The following PLA2G4A variants were observed in gnomAD, a reference collection of about 807,000 sequenced individuals.
The protein encoded by PLA2G4A is cytosolic phospholipase A2.
Under a neutral mutation model 81.9 loss-of-function variants are expected in PLA2G4A, and 40 were observed. That is an observed-to-expected ratio of 0.49 (90% CI 0.38 to 0.64). PLA2G4A has a LOEUF of 0.64. Ranked by LOEUF, PLA2G4A falls within the 30% of genes least tolerant of loss-of-function variation. The pLI is 0.00. For missense variants in PLA2G4A, 715 were observed against 905.1 expected, an observed-to-expected ratio of 0.79 and a Z score of 2.69; for synonymous variants, 302 against 296.9, an observed-to-expected ratio of 1.02 and a Z score of -0.18.
In PLA2G4A at chr1:186,956,133, T is replaced by C. The variant is rs757677131; in HGVS notation, c.1368T>C (p.Tyr456=). Residue 456 remains tyrosine, a synonymous_variant, in exon 14 of 18, where the codon TAT becomes TAC. Transcript: ENST00000367466. ...AAAATGAAGATGCTGGAAGTGACTA[T>C]CAAAGTGATAATCAAGCAAGTTGGA... ...GTENEDAGSD[Y]QSDNQASWIH... 2 of 1,613,538 alleles carry C rather than the reference T, an allele frequency of 1.2e-6. No individual in the cohort carries two copies. Among genetic ancestry groups the C allele is most frequent in the Middle Eastern group, 1.7e-4 (1 of 6,060 alleles).
At chr1:186,891,738 G>A (rs992101738) in intron 3 of PLA2G4A, among the ~76,000 whole-genome samples, 1 of 152,134 alleles carries the variant, frequency 6.6e-6, no homozygotes, top group Admixed American at 6.6e-5. Flanking sequence ...CTTAGCTATT[G>A]TAAATAGTGC....
rs901396455 is a variant in PLA2G4A at position 186,939,219 on chromosome 1, C to G, written c.907C>G (p.Leu303Val). 6.6e-6 allele frequency: 10 copies of G among 1,515,036 alleles called. No homozygotes were observed. The highest frequency in any genetic ancestry group is 9.2e-6 in the Non-Finnish European group (10 of 1,090,502). 93.8% of individuals were successfully genotyped at this position (1,515,036 alleles called of 1,614,324 possible). ...DIFGMLIGETLIHNRMNTTLS... is the reference protein window; with the variant it reads ...DIFGMLIGETVIHNRMNTTLS... Reference sequence around the variant, plus strand: ...CTTTGGGATGTTAATAGGAGAAACACTAATTCATAATGTAAGTTACAGTTC... The same window carrying G: ...CTTTGGGATGTTAATAGGAGAAACAGTAATTCATAATGTAAGTTACAGTTC... Residue 303 changes from leucine (L) to valine (V), a missense_variant, in exon 9 of 18, where the codon CTA becomes GTA. Coordinates refer to ENST00000367466, the MANE Select transcript of PLA2G4A (RefSeq NM_024420.3).
At position 186,956,143 on chromosome 1, in the gene PLA2G4A, A is replaced by C; in HGVS notation, c.1378A>C (p.Asn460His). The change falls in exon 14 of 18, where the codon AAT becomes CAT. Residue 460 changes from asparagine to histidine, a missense_variant. Physicochemically the swap from Asn to His is moderately conservative, Grantham distance 68. Transcript: ENST00000367466. ...EDAGSDYQSDNQASWIHRMIM... is the reference protein window; with the variant it reads ...EDAGSDYQSDHQASWIHRMIM... ...TGCTGGAAGTGACTATCAAAGTGAT[A>C]ATCAAGCAAGTTGGATTCATCGTAT... 1 of 1,613,482 alleles carries C rather than the reference A, an allele frequency of 6.2e-7. No homozygotes were observed. Among genetic ancestry groups the C allele is most frequent in the Non-Finnish European group, 8.5e-7 (1 of 1,179,404 alleles).
intron 7 of PLA2G4A, among the ~76,000 whole-genome samples, chr1:186,932,359 G>T (rs560634700): frequency 1.3e-5 from 2 of 149,152 alleles, no homozygotes; most frequent in South Asian, 4.2e-4. Context: ...GCAATGGCAC[G>T]ATCTTGGCTC....
intron 10 of PLA2G4A, among the ~76,000 whole-genome samples, chr1:186,941,589 C>T (rs929075612): frequency 6.6e-6 from 1 of 152,130 alleles, no homozygotes; most frequent in Admixed American, 6.6e-5. Context: ...CTGCTTAGAA[C>T]GTAATTAGCA....
chr1:186,913,891 A>G (rs1301743321), intron 7 of PLA2G4A, among the ~76,000 whole-genome samples: 3 of 152,170 alleles, frequency 2.0e-5, no homozygotes, highest in Non-Finnish European at 4.4e-5. Flanking sequence ...AGATTTGCAA[A>G]TATGTTTTAG....
chr1:186,840,939 T>A (rs904791598), intron 1 of PLA2G4A, among the ~76,000 whole-genome samples: 45 of 152,334 alleles, frequency 3.0e-4, no homozygotes, highest in African/African-American at 9.6e-4. Flanking sequence ...AGAGAAAAGA[T>A]GTAGAAGTAA....
chr1:186,953,060 C>G (rs1656620068), intron 13 of PLA2G4A, among the ~76,000 whole-genome samples: 1 of 152,044 alleles, frequency 6.6e-6, no homozygotes, highest in Admixed American at 6.6e-5. Flanking sequence ...ACAGATTTTT[C>G]AGTTTATTTG....
chr1:186,957,207 G>A (rs1304608265), intron 14 of PLA2G4A, among the ~76,000 whole-genome samples: 3 of 152,076 alleles, frequency 2.0e-5, no homozygotes, highest in African/African-American at 7.2e-5. Context: ...TCTCTGTACT[G>A]GTCACAGTTC....
chr1:186,980,731 T>A (rs977978242), intron 17 of PLA2G4A, among the ~76,000 whole-genome samples: 1 of 151,410 alleles, frequency 6.6e-6, no homozygotes, highest in Non-Finnish European at 1.5e-5. Context: ...CTGTATGCAA[T>A]CATCACAGTT....
chr1:186,964,287 G>A (rs1467795648), intron 14 of PLA2G4A, among the ~76,000 whole-genome samples: 1 of 152,146 alleles, frequency 6.6e-6, no homozygotes, highest in African/African-American at 2.4e-5. Flanking sequence ...GTTCAATTCT[G>A]GTCATGTTTT....
chr1:186,939,529 T>C (rs965035309), intron 9 of PLA2G4A, among the ~76,000 whole-genome samples: 5 of 151,122 alleles, frequency 3.3e-5, no homozygotes, highest in African/African-American at 1.2e-4. Flanking sequence ...ATTTTAACCC[T>C]TAACTGCCCA....
At chr1:186,955,064 A>G (rs543698492) in intron 13 of PLA2G4A, among the ~76,000 whole-genome samples, 1 of 152,322 alleles carries the variant, frequency 6.6e-6, no homozygotes, top group East Asian at 1.9e-4. Context: ...TTGAGACCCA[A>G]GGATTCTGAT....
chr1:186,936,661 G>A (rs1169788494), intron 8 of PLA2G4A, among the ~76,000 whole-genome samples: 1 of 151,840 alleles, frequency 6.6e-6, no homozygotes, highest in Non-Finnish European at 1.5e-5. Flanking sequence ...AGCAAGTCCT[G>A]GTAGTTAGCT....
rs1004559025 is a variant in PLA2G4A, at chr1:186,850,485, C to T, written c.-69-3801C>T. 2.7e-5 allele frequency among the ~76,000 whole-genome samples: 4 copies of T among 148,184 alleles called. No individual in the cohort carries two copies. In the Admixed American group the frequency reaches 2.7e-4, roughly 10 times the overall value. Reference sequence around the variant, plus strand: ...CAGGCTAGCCTGCATTTATTGCTACCCCTAGATTGCCTCATTTTGTTTCTA... The same window carrying T: ...CAGGCTAGCCTGCATTTATTGCTACTCCTAGATTGCCTCATTTTGTTTCTA... On this transcript the variant is annotated intron_variant, in intron 1 of 17. Transcript: ENST00000367466.
At chr1:186,976,619 A>G (rs912510400) in intron 15 of PLA2G4A, among the ~76,000 whole-genome samples, 2 of 152,228 alleles carry the variant, frequency 1.3e-5, no homozygotes, top group Admixed American at 1.3e-4. Context: ...GGACTCAGGC[A>G]TCTGGTCCCA....
At chr1:186,934,462 A>ATATATATATG (rs1266690322) in intron 8 of PLA2G4A, among the ~76,000 whole-genome samples, 1 of 112,710 alleles carries the variant, frequency 8.9e-6, no homozygotes, top group East Asian at 2.9e-4. Context: ...ATATATATAT[A>ATATATATATG]TACATACACA....
chr1:186,870,816 T>C, intron 3 of PLA2G4A: 1 of 961,808 alleles, frequency 1.0e-6, no homozygotes. Flanking sequence ...TTGAGTTCCT[T>C]GACAAATCAG....
chr1:186,893,337 T>C (rs1037622226), intron 4 of PLA2G4A, among the ~76,000 whole-genome samples, 178 bp downstream of exon 4: 1 of 152,174 alleles, frequency 6.6e-6, no homozygotes, highest in Non-Finnish European at 1.5e-5. Context: ...TATCAGGACA[T>C]ACAGGAGTTA....
Sources: allele counts gnomAD v4.1 joint callset (sites outside exome capture counted in the v4.1 genomes callset), GRCh38; gene constraint gnomAD v4.1.1; transcripts MANE v1.5; gene names NCBI Gene and HGNC (gene_info 2026-07-23, HGNC 2026-07-21).